The following ST7 variants were observed in gnomAD, a reference collection of about 807,000 sequenced individuals.
The protein encoded by ST7 is suppressor of tumorigenicity 7 protein.
Under a neutral mutation model 78.7 loss-of-function variants are expected in ST7, and 28 were observed. The ratio of observed to expected loss-of-function variants is 0.36; its 90% CI spans 0.26 to 0.49. The LOEUF (loss-of-function observed/expected upper bound fraction) is 0.49. ST7 is among the 20% of genes least tolerant of loss of function. The pLI is 0.99. For missense variants in ST7, 418 were observed against 696.0 expected, an observed-to-expected ratio of 0.60 and a Z score of 4.49; for synonymous variants, 247 against 249.6, an observed-to-expected ratio of 0.99 and a Z score of 0.10.
At chr7:117,006,006 C>A (rs1489684915) in intron 1 of ST7, among the ~76,000 whole-genome samples, 1 of 152,172 alleles carries the variant, frequency 6.6e-6, no homozygotes, top group Non-Finnish European at 1.5e-5. Context: ...TTGACACTTT[C>A]ACCAGTATCT....
At chr7:117,080,133 A>C (rs1799660500) in intron 1 of ST7, among the ~76,000 whole-genome samples, 1 of 151,400 alleles carries the variant, frequency 6.6e-6, no homozygotes, top group Non-Finnish European at 1.5e-5. Flanking sequence ...GGCGCCCGCC[A>C]CTACGCCCGG....
chr7:116,967,636 GTTA>G (rs796542403), intron 1 of ST7, among the ~76,000 whole-genome samples: 106 of 152,292 alleles, frequency 7.0e-4, no homozygotes, highest in African/African-American at 2.6e-3. Context: ...CTTAACACTA[GTTA>G]CCTTGTTTAT....
At chr7:116,990,235 C>A (rs868094311) in intron 1 of ST7, among the ~76,000 whole-genome samples, 1 of 152,138 alleles carries the variant, frequency 6.6e-6, no homozygotes, top group Admixed American at 6.5e-5. Flanking sequence ...CACGCCCGGC[C>A]GGTGATTAAC....
At chr7:116,962,361 C>T (rs528529965) in intron 1 of ST7, among the ~76,000 whole-genome samples, 1 of 152,258 alleles carries the variant, frequency 6.6e-6, no homozygotes, top group East Asian at 1.9e-4. Flanking sequence ...GAGGAATCGC[C>T]ACACTGTCTT....
chr7:117,178,940 A>G (rs1808539413), intron 10 of ST7, among the ~76,000 whole-genome samples: 2 of 152,186 alleles, frequency 1.3e-5, no homozygotes. Context: ...CAGCATTCCA[A>G]TAACGGGTCC....
intron 13 of ST7, 163 bp from the exon 14 acceptor site, chr7:117,218,921 A>G: frequency 1.7e-6 from 1 of 595,228 alleles, no homozygotes; most frequent in Non-Finnish European, 3.0e-6. Context: ...ATCCATCACA[A>G]TTTATCTCTG....
intron 1 of ST7, among the ~76,000 whole-genome samples, chr7:117,062,623 A>G (rs1382897074): frequency 1.3e-5 from 2 of 152,180 alleles, no homozygotes; most frequent in Non-Finnish European, 2.9e-5. Flanking sequence ...TATTTAATAC[A>G]TGTTAAATTT....
chr7:117,019,022 G>A (rs1293928664), intron 1 of ST7, among the ~76,000 whole-genome samples: 1 of 152,132 alleles, frequency 6.6e-6, no homozygotes, highest in Non-Finnish European at 1.5e-5. Flanking sequence ...AAGTACTAAT[G>A]ATATTTTTAG....
At chr7:117,114,874 T>A (rs1274796774) in intron 2 of ST7, among the ~76,000 whole-genome samples, 1 of 152,200 alleles carries the variant, frequency 6.6e-6, no homozygotes, top group East Asian at 1.9e-4. Context: ...GTCTGATTTT[T>A]GTTCCCTGCA....
chr7:117,074,880 T>C (rs1424286590), intron 1 of ST7, among the ~76,000 whole-genome samples: 1 of 152,236 alleles, frequency 6.6e-6, no homozygotes, highest in African/African-American at 2.4e-5. Context: ...TTTTTGTATT[T>C]GTATTCTTTT....
chr7:117,208,902 GGTGT>G (rs58017025), intron 12 of ST7, among the ~76,000 whole-genome samples: 6,517 of 139,778 alleles, frequency 0.047, 380 homozygotes, highest in African/African-American at 0.14. Flanking sequence ...TGTATGTGTG[GGTGT>G]GTGTGTGTGT....
intron 12 of ST7, among the ~76,000 whole-genome samples, chr7:117,208,650 T>C (rs1709140984): frequency 1.3e-5 from 2 of 152,178 alleles, no homozygotes; most frequent in Admixed American, 6.5e-5. Flanking sequence ...CAGGGAAACA[T>C]TGATAGTTGT....
chr7:116,969,015 A>C (rs1018823504), intron 1 of ST7, among the ~76,000 whole-genome samples: 1 of 152,278 alleles, frequency 6.6e-6, no homozygotes, highest in East Asian at 1.9e-4. Flanking sequence ...AAATAATAAT[A>C]GTGGGGTGAC....
At chr7:117,208,078 A>AAATAT (rs1173144712) in intron 12 of ST7, among the ~76,000 whole-genome samples, 19 of 152,126 alleles carry the variant, frequency 1.2e-4, no homozygotes. Flanking sequence ...ACCATAATAT[A>AAATAT]AATATAATTA....
intron 1 of ST7, among the ~76,000 whole-genome samples, chr7:116,974,492 C>T (rs1029486973): frequency 2.0e-5 from 3 of 152,008 alleles, no homozygotes; most frequent in East Asian, 1.9e-4. Flanking sequence ...GGGGTTTCAC[C>T]GTGTTAGCCA....
Position 117,022,263 on chromosome 7 carries a change from A to G in ST7, c.151+68572A>G, listed in dbSNP as rs146184189. On this transcript the variant is annotated intron_variant, in intron 1 of 15. Coordinates refer to ENST00000323984, the MANE Select transcript of ST7 (RefSeq NM_001369598.1). ...CCTTCAGAAGACAGAATACTATCATACAGGTTTTTAGCATTTTTTGTCTTT... is the reference window on the plus strand; with the variant it reads ...CCTTCAGAAGACAGAATACTATCATGCAGGTTTTTAGCATTTTTTGTCTTT... 1.8e-4 allele frequency among the ~76,000 whole-genome samples: 28 copies of G among 152,310 alleles called. No individual in the cohort carries two copies. In the East Asian group the frequency reaches 5.2e-3, roughly 28 times the overall value.
At chr7:117,184,259 T>C (rs1809032890) in intron 10 of ST7, 1 of 146,106 alleles carries the variant, frequency 6.8e-6, no homozygotes, top group African/African-American at 2.5e-5. Flanking sequence ...TTATGTGATA[T>C]CTCATTATTT....
intron 1 of ST7, among the ~76,000 whole-genome samples, chr7:117,094,922 T>C (rs1159409542): frequency 3.9e-5 from 6 of 152,208 alleles, no homozygotes; most frequent in Admixed American, 3.9e-4. Flanking sequence ...AACTTTTATT[T>C]TTTTTCCATT....
intron 1 of ST7, among the ~76,000 whole-genome samples, chr7:117,046,709 A>T (rs981569698): frequency 6.6e-6 from 1 of 152,194 alleles, no homozygotes; most frequent in Non-Finnish European, 1.5e-5. Flanking sequence ...AATAATGGGT[A>T]ATGGAAACAC....
Sources: gnomAD v4.1 joint callset for allele counts (sites outside exome capture counted in the v4.1 genomes callset) on GRCh38, gnomAD v4.1.1 for gene constraint, MANE v1.5 for transcripts, NCBI Gene and HGNC (gene_info 2026-07-23, HGNC 2026-07-21) for gene names.